The following PNPLA8 variants were observed in gnomAD, a reference collection of about 807,000 sequenced individuals.
PNPLA8 encodes the protein patatin like domain 8, phospholipase A2, also known as calcium-independent phospholipase A2-gamma.
Under a neutral mutation model 76.9 loss-of-function variants are expected in PNPLA8, and 39 were observed. That is an observed-to-expected ratio of 0.51 (90% confidence interval 0.39 to 0.66). The LOEUF is 0.66. Ranked by LOEUF, PNPLA8 falls within the 30% of genes least tolerant of loss-of-function variation. The pLI is 0.00. For synonymous variants in PNPLA8, 301 were observed against 307.9 expected (o/e 0.98, Z 0.24); for missense variants, 887 against 918.0 (o/e 0.97, Z 0.44).
At position 108,514,728 on chromosome 7, in the gene PNPLA8, GC is replaced by G; in HGVS notation, c.763del (p.Ala255LeufsTer47). On this transcript the variant is annotated frameshift_variant, in exon 3 of 11. Transcript: ENST00000257694. LOFTEE classifies it high-confidence loss of function. ...KLRSPDPGIL[A>X]YKPGSESVHT... ...TACAGATTCTGAGCCTGGCTTATAAGCCAGGATGCCAGGATCTGGAGATCTT... is the reference window on the plus strand; with the variant it reads ...TACAGATTCTGAGCCTGGCTTATAAGCAGGATGCCAGGATCTGGAGATCTT... 20 of 1,613,720 alleles carry G rather than the reference GC, an allele frequency of 1.2e-5. No homozygotes were observed. Among genetic ancestry groups the G allele is most frequent in the Non-Finnish European group, 1.7e-5 (20 of 1,179,718 alleles).
intron 5 of PNPLA8, among the ~76,000 whole-genome samples, chr7:108,500,537 A>G (rs1227466807): frequency 1.3e-5 from 2 of 152,160 alleles, no homozygotes; most frequent in African/African-American, 4.8e-5. Flanking sequence ...GATTCCCTGC[A>G]GTTTTGTCCC....
intron 1 of PNPLA8, among the ~76,000 whole-genome samples, chr7:108,522,324 AAC>A (rs1004337474): frequency 2.0e-5 from 3 of 151,724 alleles, no homozygotes; most frequent in African/African-American, 7.3e-5. Flanking sequence ...AAAAAAAAAA[AAC>A]ATTTACAATC....
rs753966489 is a variant in PNPLA8 at position 108,502,477 on chromosome 7, G to C, written c.1358+14C>G. ...AAAAAAAAAAAAAAAAAAGAATCATGTTCCTAGCCTTACCTTGTTCCTCCA... is the reference window on the plus strand; with the variant it reads ...AAAAAAAAAAAAAAAAAAGAATCATCTTCCTAGCCTTACCTTGTTCCTCCA... On this transcript the variant is annotated intron_variant, in intron 5 of 10. Coordinates refer to ENST00000257694, the MANE Select transcript of PNPLA8 (RefSeq NM_001256007.3). 1.6e-6 allele frequency: 1 copy of C among 610,090 alleles called. No homozygotes were observed. Among genetic ancestry groups the C allele is most frequent in the Non-Finnish European group, 2.8e-6 (1 of 354,952 alleles). 37.8% of individuals were successfully genotyped at this position (610,090 alleles called of 1,614,324 possible).
chr7:108,522,866 A>C (rs1438424910), intron 1 of PNPLA8, among the ~76,000 whole-genome samples: 3 of 152,124 alleles, frequency 2.0e-5, no homozygotes, highest in Non-Finnish European at 4.4e-5. Context: ...CATAATCATG[A>C]GAGATTTAAT....
intron 4 of PNPLA8, 70 bp from the exon 5 acceptor site, chr7:108,502,712 C>A: frequency 9.1e-7 from 1 of 1,094,440 alleles, no homozygotes; most frequent in South Asian, 1.4e-5. Flanking sequence ...TTATTATTAA[C>A]CAATACATGC....
chr7:108,495,865 A>G (rs1300066623), intron 7 of PNPLA8, among the ~76,000 whole-genome samples: 1 of 152,230 alleles, frequency 6.6e-6, no homozygotes, highest in Non-Finnish European at 1.5e-5. Context: ...GGAGAAGGAT[A>G]CGAATTTACA....
rs1308645788 is a variant in PNPLA8 at position 108,471,833 on chromosome 7, T to A, written c.*568A>T. 1.3e-5 allele frequency: 2 copies of A among 152,202 alleles called. No individual in the cohort carries two copies. Among genetic ancestry groups the A allele is most frequent in the African/African-American group, 2.4e-5 (1 of 41,452 alleles). 9.4% of individuals were successfully genotyped at this position (152,202 alleles called of 1,614,324 possible). A position where few individuals can be genotyped will look rare whatever the true frequency, so the allele number is the denominator to read the frequency against. ...AAATAAACATATCTGAATAGAAAAC[T>A]GTATCTGGTTCTTTTTTATGTCAAA... On this transcript the variant is annotated 3_prime_UTR_variant, in exon 11 of 11. Coordinates refer to ENST00000257694, the MANE Select transcript of PNPLA8 (RefSeq NM_001256007.3).
intron 4 of PNPLA8, among the ~76,000 whole-genome samples, chr7:108,507,070 C>T (rs1035252438): frequency 3.3e-5 from 5 of 151,986 alleles, no homozygotes; most frequent in African/African-American, 7.2e-5. Flanking sequence ...AGGCTGGGAG[C>T]GGTGGCTCAC....
At chr7:108,486,811 T>C (rs1860770579) in intron 9 of PNPLA8, among the ~76,000 whole-genome samples, 1 of 152,126 alleles carries the variant, frequency 6.6e-6, no homozygotes, top group East Asian at 1.9e-4. Context: ...AATGCCGTCT[T>C]AATATCTCTG....
chr7:108,491,505 G>GACTT (rs1263980718), intron 7 of PNPLA8, 38 bp from the exon 8 acceptor site: 1 of 1,250,564 alleles, frequency 8.0e-7, no homozygotes, highest in Non-Finnish European at 1.2e-6. Flanking sequence ...ATATCAAAAT[G>GACTT]ACTTTATCTC....
chr7:108,514,380 A>T, intron 3 of PNPLA8, 56 bp downstream of exon 3: 21 of 1,550,118 alleles, frequency 1.4e-5, no homozygotes, highest in Non-Finnish European at 1.7e-5. Context: ...TTAGGAAATA[A>T]AACTTATAAA....
intron 4 of PNPLA8, chr7:108,510,505 C>T: frequency 7.2e-7 from 1 of 1,380,186 alleles, no homozygotes; most frequent in Non-Finnish European, 1.0e-6. Flanking sequence ...TGGCATTTGT[C>T]ATCAGAATCA....
chr7:108,515,510 T>C lies in PNPLA8; in HGVS notation c.-19A>G, dbSNP rs1863276052. The C allele has an allele frequency of 7.2e-7, 1 of 1,381,780 alleles. No homozygotes were observed. 85.6% of individuals were successfully genotyped at this position (1,381,780 alleles called of 1,614,324 possible). On this transcript the variant is annotated 5_prime_UTR_variant, in exon 3 of 11. Transcript: ENST00000257694. ...TAGACATAACTTAAAAATCATTTAT[T>C]TTCTATGACATTCTCTCACTTCTTG...
chr7:108,522,502 G>A lies in PNPLA8; in HGVS notation c.-129-981C>T, dbSNP rs538209886. 1.3e-5 allele frequency among the ~76,000 whole-genome samples: 2 copies of A among 152,132 alleles called. 1 individual carries two copies. Among genetic ancestry groups the A allele is most frequent in the African/African-American group, 4.8e-5 (2 of 41,486 alleles). ...GACCTGGAGGCCCCGTCCCCTTTGAGTTGTCCTGCCCTTCCAAATCAAACC... is the reference window on the plus strand; with the variant it reads ...GACCTGGAGGCCCCGTCCCCTTTGAATTGTCCTGCCCTTCCAAATCAAACC... On this transcript the variant is annotated intron_variant, in intron 1 of 10. Transcript: ENST00000257694.
intron 2 of PNPLA8, among the ~76,000 whole-genome samples, chr7:108,519,430 A>G (rs1863582908): frequency 6.6e-6 from 1 of 152,156 alleles, no homozygotes. Context: ...AAGCACAGAT[A>G]GTATGTGCAG....
At chr7:108,486,902 G>A (rs114320074) in intron 9 of PNPLA8, among the ~76,000 whole-genome samples, 2,706 of 152,052 alleles carry the variant, frequency 0.018, 90 homozygotes, top group African/African-American at 0.061. Flanking sequence ...AGAGAAAAAC[G>A]TCAAGATTCC....
At chr7:108,518,353 A>C (rs1863489403) in intron 2 of PNPLA8, 1 of 152,218 alleles carries the variant, frequency 6.6e-6, no homozygotes, top group Non-Finnish European at 1.5e-5. Flanking sequence ...GTGTAGAAGG[A>C]ATAAATAGGT....
At chr7:108,475,690 A>T (rs919153851) in intron 10 of PNPLA8, among the ~76,000 whole-genome samples, 2 of 151,714 alleles carry the variant, frequency 1.3e-5, no homozygotes, top group African/African-American at 2.4e-5. Context: ...TGTTTCCACA[A>T]CTCCCACTGA....
chr7:108,503,542 G>A (rs989571074), intron 4 of PNPLA8, among the ~76,000 whole-genome samples: 1 of 152,038 alleles, frequency 6.6e-6, no homozygotes. Flanking sequence ...TTCCATTTCC[G>A]GTTAAGATGA....
Sources: gnomAD v4.1 joint callset for allele counts (sites outside exome capture counted in the v4.1 genomes callset) on GRCh38, gnomAD v4.1.1 for gene constraint, MANE v1.5 for transcripts, NCBI Gene and HGNC (gene_info 2026-07-23, HGNC 2026-07-21) for gene names.